The following VIPR1 variants were observed in gnomAD, a reference collection of about 807,000 sequenced individuals.
VIPR1 encodes vasoactive intestinal peptide receptor 1.
A neutral mutation model predicts 58.8 loss-of-function variants in VIPR1; 59 were observed. The ratio of observed to expected loss-of-function variants is 1.00; its 90% CI spans 0.81 to 1.25. VIPR1 has a LOEUF of 1.25. Among genes scored for constraint, VIPR1 ranks in the 50% most tolerant of loss-of-function variants. The probability of loss-of-function intolerance (pLI) is 0.00; values close to 1 mark genes in which losing one functional copy is unlikely to be tolerated. For missense variants in VIPR1, 626 were observed against 602.7 expected, an observed-to-expected ratio of 1.04 and a Z score of -0.40; for synonymous variants, 251 against 242.1, an observed-to-expected ratio of 1.04 and a Z score of -0.34.
chr3:42,518,745 G>GTAAATAAATAA (rs992782118), intron 2 of VIPR1, among the ~76,000 whole-genome samples: 2 of 152,288 alleles, frequency 1.3e-5, no homozygotes, highest in South Asian at 4.1e-4. Context: ...AAATAAGTAA[G>GTAAATAAATAA]TAAATGGCGT....
At chr3:42,524,771 G>A (rs1476271456) in intron 3 of VIPR1, among the ~76,000 whole-genome samples, 2 of 152,104 alleles carry the variant, frequency 1.3e-5, no homozygotes, top group African/African-American at 4.8e-5. Flanking sequence ...CTCCATGCAG[G>A]TGAGAACCAA....
intron 1 of VIPR1, among the ~76,000 whole-genome samples, chr3:42,497,585 C>T (rs191600553): frequency 3.5e-4 from 53 of 152,306 alleles, no homozygotes; most frequent in African/African-American, 1.2e-3. Context: ...ACCCCTGATA[C>T]GGTTTGGCTG....
In VIPR1 at chr3:42,532,345, C is replaced by T. The variant is rs1238887888; in HGVS notation, c.1010+12C>T. ...AGCAGTCCATACTCGTGAGTGTGGG[C>T]CTAGTGCCTCAGCCCCCAGTACCTC... is the stretch of plus-strand genomic sequence containing the variant. On this transcript the variant is annotated intron_variant, in intron 10 of 12. Coordinates refer to ENST00000325123, the MANE Select transcript of VIPR1 (RefSeq NM_004624.4). The T allele has an allele frequency of 1.2e-6, 2 of 1,612,920 alleles. No homozygotes were observed. The highest frequency in any genetic ancestry group is 1.7e-5 in the Admixed American group (1 of 60,016).
At chr3:42,499,757 G>C (rs1699831775), upstream of VIPR1, among the ~76,000 whole-genome samples, 1 of 152,116 alleles carries the variant, frequency 6.6e-6, no homozygotes, top group South Asian at 2.1e-4. Context: ...TAGTCCGTCG[G>C]CCCCCCCTCT....
intron 6 of VIPR1, chr3:42,529,265 G>C (rs1701398199): frequency 6.6e-6 from 1 of 152,076 alleles, no homozygotes; most frequent in Non-Finnish European, 1.5e-5. Flanking sequence ...AGACCAGCCT[G>C]ACCAACATGG....
At position 42,530,877 on chromosome 3, in the gene VIPR1, C is replaced by T. The variant is rs142317327; in HGVS notation, c.735C>T (p.Ala245=). 5.0e-6 allele frequency: 8 copies of T among 1,613,978 alleles called. No homozygotes were observed. Among genetic ancestry groups the T allele is most frequent in the African/African-American group, 2.7e-5 (2 of 74,896 alleles). The change falls in exon 7 of 13, where the codon GCC becomes GCT. Residue 245 remains alanine, a synonymous_variant. Coordinates refer to ENST00000325123, the MANE Select transcript of VIPR1 (RefSeq NM_004624.4). The stretch of plus-strand genomic sequence containing the variant: ...GCCTCTACCTGTACACCCTGCTTGC[C>T]GTCTCCTTCTTCTCTGAGCGGAAGT... The part of the protein sequence containing the change: ...VEGLYLYTLL[A]VSFFSERKYF...
rs571651010 is a variant in VIPR1 at position 42,496,941 on chromosome 3, G to A, written c.-245+7263G>A. ...TCATTTTTCTTTTTTCTGGTTATTTGGGAGTTACATACTTTCTTTTTTCCC... is the reference window on the plus strand; with the variant it reads ...TCATTTTTCTTTTTTCTGGTTATTTAGGAGTTACATACTTTCTTTTTTCCC... On this transcript the variant is annotated intron_variant, in intron 1 of 13. Coordinates refer to the VIPR1 transcript ENST00000433647. 3.0e-5 allele frequency among the ~76,000 whole-genome samples: 4 copies of A among 131,946 alleles called. No homozygotes were observed. The South Asian group carries it at 1.1e-3, about 37-fold the overall frequency. The allele number at this position is 131,946 out of a possible 152,430, so 86.6% of individuals were successfully genotyped here. A position where few individuals can be genotyped will look rare whatever the true frequency, so the allele number is the denominator to read the frequency against.
intron 11 of VIPR1, 54 bp from the exon 12 acceptor site, chr3:42,535,289 G>A: frequency 1.2e-6 from 2 of 1,609,656 alleles, no homozygotes; most frequent in Non-Finnish European, 1.7e-6. Flanking sequence ...GGTGGGGCAG[G>A]GCTGGGGGCT....
chr3:42,512,711 T>C (rs1226347823), intron 1 of VIPR1: 1 of 983,836 alleles, frequency 1.0e-6, no homozygotes, highest in Non-Finnish European at 1.2e-6. Flanking sequence ...TGCTGGACTC[T>C]CTTCTATGGC....
intron 3 of VIPR1, among the ~76,000 whole-genome samples, chr3:42,519,892 C>A (rs184058562): frequency 6.6e-6 from 1 of 152,196 alleles, no homozygotes; most frequent in African/African-American, 2.4e-5. Flanking sequence ...GCTGGACAAA[C>A]ACAGTGGAGA....
At chr3:42,509,497 C>T (rs1700267306) in intron 1 of VIPR1, 2 of 152,286 alleles carry the variant, frequency 1.3e-5, no homozygotes, top group Admixed American at 1.3e-4. Context: ...TCAGAGAACC[C>T]CACATGGACA....
chr3:42,535,284 G>C, intron 11 of VIPR1, 59 bp from the exon 12 acceptor site: 1 of 1,606,410 alleles, frequency 6.2e-7, no homozygotes, highest in Non-Finnish European at 8.5e-7. Context: ...CCAGGGGTGG[G>C]GCAGGGCTGG....
At chr3:42,499,377 G>C (rs1699824175), upstream of VIPR1, among the ~76,000 whole-genome samples, 1 of 152,236 alleles carries the variant, frequency 6.6e-6, no homozygotes, top group South Asian at 2.1e-4. Flanking sequence ...AGCCAGGCAG[G>C]CTCAGAATGA....
intron 3 of VIPR1, among the ~76,000 whole-genome samples, chr3:42,524,824 G>A (rs1274159634): frequency 6.6e-6 from 1 of 152,140 alleles, no homozygotes; most frequent in Non-Finnish European, 1.5e-5. Flanking sequence ...GCTCTATCCT[G>A]TCCTCTCTAT....
chr3:42,499,293 C>T (rs1207637607), upstream of VIPR1, among the ~76,000 whole-genome samples: 2 of 152,230 alleles, frequency 1.3e-5, no homozygotes, highest in African/African-American at 4.8e-5. Flanking sequence ...GAGCTGGAAG[C>T]CTTGAAGGCA....
rs961110447 is a variant in VIPR1, at chr3:42,528,995, C to A, written c.636+872C>A. Among the ~76,000 whole-genome samples, 5 of 152,216 alleles carry A rather than the reference C, an allele frequency of 3.3e-5. 1 individual carries two copies. The highest frequency in any genetic ancestry group is 1.2e-4 in the African/African-American group (5 of 41,456). Reference sequence around the variant, plus strand: ...CTTCTCAGAGGTTCTGTCCCAGGAGCTGTGAGGCCAAGTCAGACATGAGCA... The same window carrying A: ...CTTCTCAGAGGTTCTGTCCCAGGAGATGTGAGGCCAAGTCAGACATGAGCA... On this transcript the variant is annotated intron_variant, in intron 6 of 12. Coordinates refer to ENST00000325123, the MANE Select transcript of VIPR1 (RefSeq NM_004624.4).
chr3:42,500,951 G>A (rs1699856582), upstream of VIPR1, among the ~76,000 whole-genome samples: 1 of 152,318 alleles, frequency 6.6e-6, no homozygotes, highest in African/African-American at 2.4e-5. Context: ...TCCCCTCATG[G>A]CAAGGGGATG....
chr3:42,494,706 T>C (rs1311332754), intron 1 of VIPR1, among the ~76,000 whole-genome samples: 2 of 152,250 alleles, frequency 1.3e-5, no homozygotes, highest in Non-Finnish European at 2.9e-5. Context: ...TGATATTTTA[T>C]TTTGATTTCA....
At chr3:42,506,165 A>G (rs1261297725) in intron 1 of VIPR1, among the ~76,000 whole-genome samples, 1 of 152,138 alleles carries the variant, frequency 6.6e-6, no homozygotes, top group Admixed American at 6.5e-5. Context: ...GGTGGCCAAA[A>G]CATTTTGGGG....
Sources: gnomAD v4.1 joint callset for allele counts (sites outside exome capture counted in the v4.1 genomes callset) on GRCh38, gnomAD v4.1.1 for gene constraint, MANE v1.5 for transcripts, NCBI Gene and HGNC (gene_info 2026-07-23, HGNC 2026-07-21) for gene names.